CNTNAP2: variants seen among roughly 807,000 people sequenced by gnomAD.
CNTNAP2 encodes the protein contactin associated protein 2.
Under a neutral mutation model 155.2 loss-of-function variants are expected in CNTNAP2, and 98 were observed. The observed-to-expected ratio is 0.63, with a 90% CI of 0.54 to 0.75. CNTNAP2 has a LOEUF of 0.75. CNTNAP2 is among the 30% of genes least tolerant of loss of function. The probability of loss-of-function intolerance (pLI) is 0.00; values close to 1 mark genes in which losing one functional copy is unlikely to be tolerated. For synonymous variants in CNTNAP2, 651 were observed against 631.2 expected (o/e 1.03, Z -0.47); for missense variants, 1,727 against 1,688.1 (o/e 1.02, Z -0.40).
intron 13 of CNTNAP2, among the ~76,000 whole-genome samples, chr7:147,658,587 C>G (rs951991823): frequency 5.3e-5 from 8 of 152,142 alleles, no homozygotes; most frequent in Non-Finnish European, 7.3e-5. Context: ...TTCTCTACCC[C>G]GCCAAATCTC....
rs140466806 is a variant in CNTNAP2 at position 146,982,509 on chromosome 7, G to C, written c.403-61398G>C. ...CTTTGAAAGTCTTGATGCTCAATTA[G>C]TCAATTAGTAGCCGCCAGATGGAGA... is the stretch of plus-strand genomic sequence containing the variant. On this transcript the variant is annotated intron_variant, in intron 3 of 23. Transcript: ENST00000361727. Among the ~76,000 whole-genome samples the C allele has an allele frequency of 3.5e-3, 527 of 152,230 alleles. 4 individuals are homozygous for C. Among genetic ancestry groups the C allele is most frequent in the Middle Eastern group, 0.01 (3 of 292 alleles).
intron 21 of CNTNAP2, among the ~76,000 whole-genome samples, 163 bp downstream of exon 21, chr7:148,267,289 A>T (rs1481721396): frequency 2.0e-5 from 3 of 152,020 alleles, no homozygotes; most frequent in African/African-American, 7.2e-5. Flanking sequence ...TTGCACAAGC[A>T]AAGCGTCAAC....
At chr7:146,994,610 T>C (rs1365974377) in intron 3 of CNTNAP2, among the ~76,000 whole-genome samples, 1 of 152,126 alleles carries the variant, frequency 6.6e-6, no homozygotes, top group Non-Finnish European at 1.5e-5. Flanking sequence ...CATTACATCA[T>C]GCAGCTGTTT....
intron 1 of CNTNAP2, among the ~76,000 whole-genome samples, chr7:146,282,061 G>A (rs1186730118): frequency 2.0e-5 from 3 of 152,144 alleles, no homozygotes; most frequent in African/African-American, 7.2e-5. Flanking sequence ...GAAAGAAAAA[G>A]TTTATGTTAG....
At chr7:146,643,779 C>A (rs959433017) in intron 1 of CNTNAP2, among the ~76,000 whole-genome samples, 33 of 152,192 alleles carry the variant, frequency 2.2e-4, no homozygotes, top group Non-Finnish European at 4.0e-4. Flanking sequence ...GATATTGATT[C>A]TTCCTACCCA....
chr7:147,680,172 C>G (rs1795926696), intron 13 of CNTNAP2, among the ~76,000 whole-genome samples: 1 of 151,820 alleles, frequency 6.6e-6, no homozygotes, highest in Non-Finnish European at 1.5e-5. Flanking sequence ...GTTCAGGGGA[C>G]TATGTGCAGC....
At chr7:147,361,820 T>C (rs1309103695) in intron 9 of CNTNAP2, among the ~76,000 whole-genome samples, 1 of 152,156 alleles carries the variant, frequency 6.6e-6, no homozygotes. Context: ...CCTTTTTTAT[T>C]TTTAACAATG....
At chr7:148,012,244 G>T (rs1802094546) in intron 15 of CNTNAP2, among the ~76,000 whole-genome samples, 1 of 152,036 alleles carries the variant, frequency 6.6e-6, no homozygotes, top group South Asian at 2.1e-4. Context: ...TCTACCATTG[G>T]GATTTATCTT....
chr7:146,376,944 C>A (rs1479200048), intron 1 of CNTNAP2, among the ~76,000 whole-genome samples: 1 of 152,182 alleles, frequency 6.6e-6, no homozygotes, highest in Non-Finnish European at 1.5e-5. Flanking sequence ...GAACCAGAGA[C>A]TGGGTTCTCC....
intron 1 of CNTNAP2, among the ~76,000 whole-genome samples, chr7:146,573,670 A>G (rs972364987): frequency 6.6e-6 from 1 of 152,154 alleles, no homozygotes; most frequent in Admixed American, 6.6e-5. Flanking sequence ...AGTGCACACA[A>G]AGAGGAGTCA....
chr7:146,465,634 T>C (rs972042024), intron 1 of CNTNAP2, among the ~76,000 whole-genome samples: 5 of 152,198 alleles, frequency 3.3e-5, no homozygotes, highest in African/African-American at 1.2e-4. Flanking sequence ...GATGGCTAAA[T>C]GTTTAACCAG....
At chr7:146,409,805 G>C (rs532681532) in intron 1 of CNTNAP2, among the ~76,000 whole-genome samples, 1 of 152,074 alleles carries the variant, frequency 6.6e-6, no homozygotes, top group Non-Finnish European at 1.5e-5. Flanking sequence ...CCTGGGTCAG[G>C]GTGATAGAGA....
At chr7:148,003,161 G>A (rs570401758) in intron 15 of CNTNAP2, among the ~76,000 whole-genome samples, 1 of 152,084 alleles carries the variant, frequency 6.6e-6, no homozygotes, top group Non-Finnish European at 1.5e-5. Context: ...ACCTCTATGT[G>A]TCCTTCCCAA....
At chr7:146,476,984 T>A (rs557898405) in intron 1 of CNTNAP2, among the ~76,000 whole-genome samples, 2 of 152,332 alleles carry the variant, frequency 1.3e-5, no homozygotes, top group East Asian at 1.9e-4. Context: ...TTATTTTTTT[T>A]AAAGTAAGAT....
At chr7:146,560,404 T>C (rs554138035) in intron 1 of CNTNAP2, among the ~76,000 whole-genome samples, 3 of 152,230 alleles carry the variant, frequency 2.0e-5, no homozygotes, top group African/African-American at 7.2e-5. Flanking sequence ...TGTGTATATG[T>C]GTGTGTATAC....
At chr7:148,012,852 A>T (rs192819093) in intron 15 of CNTNAP2, among the ~76,000 whole-genome samples, 28 of 152,310 alleles carry the variant, frequency 1.8e-4, no homozygotes, top group African/African-American at 6.5e-4. Flanking sequence ...ATACCCTGGC[A>T]TGTATTGTGT....
At position 146,499,539 on chromosome 7, in the gene CNTNAP2, T is replaced by A. The variant is rs1797269439; in HGVS notation, c.98-274732T>A. On this transcript the variant is annotated intron_variant, in intron 1 of 23. Coordinates refer to ENST00000361727, the MANE Select transcript of CNTNAP2 (RefSeq NM_014141.6). The stretch of plus-strand genomic sequence containing the variant: ...CAACATTTTGACTATTTTGTGTCAT[T>A]TGCATTCTATATGAATTTTAGGATT... Among the ~76,000 whole-genome samples, 7 of 152,164 alleles carry A rather than the reference T, an allele frequency of 4.6e-5. 1 individual carries two copies. The highest frequency in any genetic ancestry group is 4.6e-4 in the Admixed American group (7 of 15,276).
chr7:146,799,566 C>A (rs969956875), intron 2 of CNTNAP2, among the ~76,000 whole-genome samples: 3 of 152,110 alleles, frequency 2.0e-5, no homozygotes, highest in South Asian at 2.1e-4. Flanking sequence ...TTCCAAAGAG[C>A]TTGAGTAGCG....
At chr7:146,429,268 G>A (rs1487995994) in intron 1 of CNTNAP2, among the ~76,000 whole-genome samples, 1 of 151,970 alleles carries the variant, frequency 6.6e-6, no homozygotes, top group Non-Finnish European at 1.5e-5. Context: ...ATTCTGTGAA[G>A]AATTTCCAAT....
Sources: allele counts gnomAD v4.1 joint callset (sites outside exome capture counted in the v4.1 genomes callset), GRCh38; gene constraint gnomAD v4.1.1; transcripts MANE v1.5; gene names NCBI Gene and HGNC (gene_info 2026-07-23, HGNC 2026-07-21).